RNF145: variants seen among roughly 807,000 people sequenced by gnomAD.
RNF145 encodes ring finger protein 145.
In RNF145, 12 loss-of-function variants were observed where a neutral mutation model predicts 57.3. That is an observed-to-expected ratio of 0.21 (90% CI 0.13 to 0.34). The LOEUF (loss-of-function observed/expected upper bound fraction) is 0.34. Ranked by LOEUF, RNF145 falls within the 10% of genes least tolerant of loss-of-function variation. The pLI is 1.00. For missense variants in RNF145, 429 were observed against 799.0 expected (o/e 0.54, Z 5.58); for synonymous variants, 262 against 288.3 (o/e 0.91, Z 0.92).
upstream of RNF145, chr5:159,209,702 C>G: frequency 9.7e-7 from 1 of 1,031,964 alleles, no homozygotes; most frequent in Non-Finnish European, 1.4e-6. Context: ...GAGACATAAG[C>G]CTAGCCAAGC....
chr5:159,209,619 C>A, upstream of RNF145: 2 of 1,044,644 alleles, frequency 1.9e-6, no homozygotes, highest in Non-Finnish European at 2.4e-6. Context: ...GCGCGCCCCT[C>A]CCGCGCGCGC....
At chr5:159,179,546 G>A (rs1203405191) in intron 4 of RNF145, among the ~76,000 whole-genome samples, 2 of 152,138 alleles carry the variant, frequency 1.3e-5, no homozygotes, top group East Asian at 1.9e-4. Flanking sequence ...AATAGTTTAT[G>A]GACTTTGGAA....
chr5:159,177,290 A>G (rs1463189206), intron 4 of RNF145, among the ~76,000 whole-genome samples: 1 of 152,110 alleles, frequency 6.6e-6, no homozygotes, highest in African/African-American at 2.4e-5. Flanking sequence ...TACTTGTTCA[A>G]GATCATACTG....
intron 6 of RNF145, among the ~76,000 whole-genome samples, chr5:159,173,670 T>C (rs1784624892): frequency 6.6e-6 from 1 of 152,214 alleles, no homozygotes; most frequent in Non-Finnish European, 1.5e-5. Context: ...GTTATTTTTA[T>C]AATATACTTT....
chr5:159,162,331 C>T (rs1784243564), intron 9 of RNF145, among the ~76,000 whole-genome samples: 2 of 152,090 alleles, frequency 1.3e-5, no homozygotes, highest in African/African-American at 4.8e-5. Flanking sequence ...TTATATGACA[C>T]CTCTGTATCA....
intron 4 of RNF145, among the ~76,000 whole-genome samples, chr5:159,181,256 A>G (rs930499876): frequency 6.6e-6 from 1 of 152,058 alleles, no homozygotes; most frequent in Non-Finnish European, 1.5e-5. Flanking sequence ...CAAGACACAT[A>G]ACTCCCCAAA....
intron 3 of RNF145, among the ~76,000 whole-genome samples, chr5:159,192,518 A>T (rs979537078): frequency 1.3e-5 from 2 of 152,248 alleles, no homozygotes; most frequent in African/African-American, 4.8e-5. Flanking sequence ...AAAAGATATT[A>T]TATGGCTATA....
chr5:159,160,666 A>G (rs150500011), intron 10 of RNF145, among the ~76,000 whole-genome samples: 262 of 152,284 alleles, frequency 1.7e-3, no homozygotes, highest in African/African-American at 5.8e-3. Flanking sequence ...ACTACCTTTA[A>G]TTTGTAATAG....
At position 159,206,689 on chromosome 5, in the gene RNF145, G is replaced by A. The variant is rs139303410; in HGVS notation, c.-40+2542C>T. Among the ~76,000 whole-genome samples the A allele has an allele frequency of 2.6e-4, 40 of 152,220 alleles. No homozygotes were observed. The East Asian group carries it at 7.1e-3, about 27-fold the overall frequency. On this transcript the variant is annotated intron_variant, in intron 1 of 10. Transcript: ENST00000424310. ...TCAGCATATCCTAAAGTACAGGGGAGCTCAATATTCTCTTGAAAACAAAAT... is the reference window on the plus strand; with the variant it reads ...TCAGCATATCCTAAAGTACAGGGGAACTCAATATTCTCTTGAAAACAAAAT...
At chr5:159,169,528 A>T in intron 7 of RNF145, 151 bp downstream of exon 7, 1 of 572,630 alleles carries the variant, frequency 1.7e-6, no homozygotes, top group Non-Finnish European at 3.0e-6. Flanking sequence ...GTATTTTTTC[A>T]TAGTATTTTA....
At position 159,209,260 on chromosome 5, in the gene RNF145, C is replaced by G; in HGVS notation, c.-69G>C. Reference sequence around the variant, plus strand: ...GGCTGCGGACTCCCTCCCTGGGGAGCGGCGCTGCCGGCGGGCGGGCTCCGC... The same window carrying G: ...GGCTGCGGACTCCCTCCCTGGGGAGGGGCGCTGCCGGCGGGCGGGCTCCGC... On this transcript the variant is annotated 5_prime_UTR_variant, in exon 1 of 11. Coordinates refer to ENST00000424310, the MANE Select transcript of RNF145 (RefSeq NM_001199383.2). The G allele has an allele frequency of 9.1e-6, 9 of 985,256 alleles. No individual in the cohort carries two copies. Among genetic ancestry groups the G allele is most frequent in the Non-Finnish European group, 1.1e-5 (9 of 829,798 alleles). 61.0% of individuals were successfully genotyped at this position (985,256 alleles called of 1,614,324 possible).
intron 8 of RNF145, 62 bp downstream of exon 8, chr5:159,168,811 C>T: frequency 9.3e-7 from 1 of 1,074,430 alleles, no homozygotes; most frequent in Non-Finnish European, 1.3e-6. Context: ...AATATTTAGA[C>T]AACAAATGCA....
At chr5:159,160,207 T>C (rs1049341474) in intron 10 of RNF145, among the ~76,000 whole-genome samples, 2 of 152,066 alleles carry the variant, frequency 1.3e-5, no homozygotes, top group African/African-American at 4.8e-5. Flanking sequence ...ATTTTAATAA[T>C]AAACACAACT....
chr5:159,167,677 T>A (rs1784431009), intron 8 of RNF145, among the ~76,000 whole-genome samples: 2 of 152,332 alleles, frequency 1.3e-5, no homozygotes, highest in African/African-American at 4.8e-5. Context: ...ACATTTTAAA[T>A]GCTTCAGTCA....
upstream of RNF145, chr5:159,209,765 G>C: frequency 7.5e-7 from 1 of 1,327,856 alleles, no homozygotes; most frequent in South Asian, 1.3e-5. Context: ...GAGACACCTG[G>C]ACGCGCACTG....
chr5:159,197,657 T>C (rs1785504645), intron 2 of RNF145, among the ~76,000 whole-genome samples: 2 of 152,204 alleles, frequency 1.3e-5, no homozygotes, highest in African/African-American at 4.8e-5. Flanking sequence ...AAAATACTAT[T>C]GACACAAACA....
At chr5:159,166,699 C>T (rs896483117) in intron 8 of RNF145, among the ~76,000 whole-genome samples, 8 of 152,316 alleles carry the variant, frequency 5.3e-5, no homozygotes, top group Non-Finnish European at 8.8e-5. Context: ...GCCAACATTA[C>T]AAATGCCTCG....
At chr5:159,194,994 T>C (rs961705620) in intron 2 of RNF145, among the ~76,000 whole-genome samples, 170 bp from the exon 3 acceptor site, 1 of 152,216 alleles carries the variant, frequency 6.6e-6, no homozygotes, top group African/African-American at 2.4e-5. Flanking sequence ...TATGGATTTT[T>C]TGTTGTTGAA....
chr5:159,203,621 GTTTTT>G lies in RNF145; in HGVS notation c.-9_-5del. 7.9e-7 allele frequency: 1 copy of G among 1,270,000 alleles called. No homozygotes were observed. Among genetic ancestry groups the G allele is most frequent in the Non-Finnish European group, 1.1e-6 (1 of 933,646 alleles). 78.7% of individuals were successfully genotyped at this position (1,270,000 alleles called of 1,614,324 possible). A position where few individuals can be genotyped will look rare whatever the true frequency, so the allele number is the denominator to read the frequency against. On this transcript the variant is annotated 5_prime_UTR_variant, in exon 2 of 11. Transcript: ENST00000424310. ...CCAGTTTCTCCTTTGCAGCCATGTTGTTTTTTTTTTTCTTTTTTTTTTTCTTGGAG... is the reference window on the plus strand; with the variant it reads ...CCAGTTTCTCCTTTGCAGCCATGTTGTTTTTTCTTTTTTTTTTTCTTGGAG...
Sources: gnomAD v4.1 joint callset for allele counts (sites outside exome capture counted in the v4.1 genomes callset) on GRCh38, gnomAD v4.1.1 for gene constraint, MANE v1.5 for transcripts, NCBI Gene and HGNC (gene_info 2026-07-23, HGNC 2026-07-21) for gene names.